The following NELL1 variants were observed in gnomAD, a reference collection of about 807,000 sequenced individuals.
The protein encoded by NELL1 is neural EGFL like 1.
NELL1 carries 76 observed loss-of-function variants against 107.4 expected under a neutral mutation model. The observed-to-expected ratio is 0.71, with a 90% CI of 0.59 to 0.86. NELL1 has a LOEUF of 0.86. Among genes scored for constraint, NELL1 ranks in the 40% least tolerant of loss-of-function variants. The probability of loss-of-function intolerance (pLI) is 0.00; values close to 1 mark genes in which losing one functional copy is unlikely to be tolerated. For synonymous variants in NELL1, 353 were observed against 341.2 expected (o/e 1.03, Z -0.38); for missense variants, 1,024 against 1,005.5 (o/e 1.02, Z -0.25).
chr11:21,174,020 A>G (rs1162109450), intron 13 of NELL1, among the ~76,000 whole-genome samples: 1 of 151,812 alleles, frequency 6.6e-6, no homozygotes, highest in African/African-American at 2.4e-5. Context: ...ACTAAATGCT[A>G]TTGTTCTCCC....
At chr11:21,418,763 C>T (rs1852582436) in intron 15 of NELL1, among the ~76,000 whole-genome samples, 1 of 151,986 alleles carries the variant, frequency 6.6e-6, no homozygotes. Context: ...GCTTTAAAGC[C>T]ATTGCATAGT....
In NELL1 at chr11:20,928,435, C is replaced by G. The variant is rs1190081375; in HGVS notation, c.953C>G (p.Ser318Cys). 3.7e-6 allele frequency: 6 copies of G among 1,613,954 alleles called. No individual in the cohort carries two copies. The highest frequency in any genetic ancestry group is 5.1e-6 in the Non-Finnish European group (6 of 1,179,970). ...CCCCCTCTCAATTGCTCCCCAGACT[C>G]CCTCCCAGTGCACATTGCTGGCCAG... ...SCPPLNCSPD[S>C]LPVHIAGQCC... Residue 318 changes from serine (S) to cysteine (C), a missense_variant, in exon 9 of 20, where the codon TCC (serine) becomes TGC (cysteine). Ser to Cys is a moderately radical substitution (Grantham distance 112, BLOSUM62 -1). Transcript: ENST00000357134.
intron 12 of NELL1, among the ~76,000 whole-genome samples, chr11:20,979,862 G>T (rs923858776): frequency 3.9e-5 from 6 of 152,020 alleles, no homozygotes; most frequent in Non-Finnish European, 7.4e-5. Flanking sequence ...TGTGCTCCAG[G>T]GCACGGTTTT....
At chr11:21,296,440 C>A (rs1443096152) in intron 14 of NELL1, among the ~76,000 whole-genome samples, 10 of 146,032 alleles carry the variant, frequency 6.8e-5, no homozygotes, top group Admixed American at 3.4e-4. Context: ...ATATATATAT[C>A]TCTAATCATC....
chr11:21,411,653 A>G (rs1564881762), intron 15 of NELL1, among the ~76,000 whole-genome samples: 1 of 152,086 alleles, frequency 6.6e-6, no homozygotes, highest in Non-Finnish European at 1.5e-5. Context: ...CTAATGCAGT[A>G]TTTTTCAAAA....
chr11:20,885,236 T>TG (rs1849484322), intron 4 of NELL1, among the ~76,000 whole-genome samples: 1 of 152,156 alleles, frequency 6.6e-6, no homozygotes, highest in South Asian at 2.1e-4. Context: ...CTCCCTCCCC[T>TG]GCCAAAAGGG....
intron 4 of NELL1, among the ~76,000 whole-genome samples, chr11:20,861,740 G>T (rs967316007): frequency 6.6e-6 from 1 of 152,224 alleles, no homozygotes; most frequent in African/African-American, 2.4e-5. Flanking sequence ...CATCAGGTGA[G>T]CACAATGAGA....
At chr11:20,747,341 C>T (rs769082395) in intron 2 of NELL1, among the ~76,000 whole-genome samples, 18 of 152,112 alleles carry the variant, frequency 1.2e-4, no homozygotes, top group Non-Finnish European at 1.9e-4. Flanking sequence ...AGGAACATGT[C>T]TTGGTCAGCA....
At chr11:20,916,499 T>C (rs1460606369) in intron 5 of NELL1, among the ~76,000 whole-genome samples, 1 of 152,008 alleles carries the variant, frequency 6.6e-6, no homozygotes, top group African/African-American at 2.4e-5. Flanking sequence ...CCATGACACA[T>C]GTGCTCCAGG....
At chr11:20,705,478 CTG>C (rs1854922625) in intron 2 of NELL1, among the ~76,000 whole-genome samples, 1 of 151,220 alleles carries the variant, frequency 6.6e-6, no homozygotes, top group South Asian at 2.1e-4. Context: ...AAAGCTGAAA[CTG>C]GATCCCTTCC....
intron 4 of NELL1, among the ~76,000 whole-genome samples, chr11:20,863,178 G>A (rs575791435): frequency 9.3e-5 from 13 of 139,298 alleles, no homozygotes; most frequent in East Asian, 2.0e-4. Flanking sequence ...AGGGGTGGCC[G>A]GGCAGAGGCG....
At chr11:20,739,320 G>A (rs1251596696) in intron 2 of NELL1, among the ~76,000 whole-genome samples, 2 of 152,202 alleles carry the variant, frequency 1.3e-5, no homozygotes, top group East Asian at 3.9e-4. Flanking sequence ...ATGATGAACC[G>A]TCAATGTTAC....
intron 12 of NELL1, among the ~76,000 whole-genome samples, chr11:21,076,155 T>C (rs1025765925): frequency 5.3e-5 from 8 of 152,222 alleles, no homozygotes; most frequent in Non-Finnish European, 7.3e-5. Context: ...GCACAGTTAA[T>C]AGAAAAGGAT....
chr11:20,783,133 C>A (rs1052358541), intron 2 of NELL1, among the ~76,000 whole-genome samples: 2 of 152,192 alleles, frequency 1.3e-5, no homozygotes, highest in Non-Finnish European at 2.9e-5. Flanking sequence ...TAGTAAATAT[C>A]TGCTAGGTAC....
At chr11:20,854,981 T>C (rs72935272) in intron 4 of NELL1, among the ~76,000 whole-genome samples, 10,970 of 152,286 alleles carry the variant, frequency 0.072, 394 homozygotes, top group Middle Eastern at 0.082. Flanking sequence ...AGTGTCTGCT[T>C]AATTGCTAAG....
intron 4 of NELL1, among the ~76,000 whole-genome samples, chr11:20,862,813 A>C (rs1286318836): frequency 1.3e-5 from 2 of 152,054 alleles, no homozygotes; most frequent in African/African-American, 4.8e-5. Context: ...ACTCTCAACG[A>C]GCATGCTGCC....
intron 16 of NELL1, among the ~76,000 whole-genome samples, chr11:21,545,305 C>T (rs928804882): frequency 2.0e-5 from 3 of 151,912 alleles, no homozygotes; most frequent in Non-Finnish European, 4.4e-5. Flanking sequence ...ACCTCAAAGT[C>T]CCAGAAGCCT....
chr11:21,532,589 C>T (rs1310304076), intron 15 of NELL1, among the ~76,000 whole-genome samples: 1 of 152,148 alleles, frequency 6.6e-6, no homozygotes, highest in East Asian at 1.9e-4. Context: ...AAAACGCTAA[C>T]CATGGCTATT....
intron 4 of NELL1, among the ~76,000 whole-genome samples, chr11:20,856,476 A>G (rs1946513): frequency 0.77 from 117,128 of 152,200 alleles, 45,892 homozygotes; most frequent in East Asian, 0.95. Context: ...TGAACTAACA[A>G]GCTTCAAGTT....
Sources: allele counts gnomAD v4.1 joint callset (sites outside exome capture counted in the v4.1 genomes callset), GRCh38; gene constraint gnomAD v4.1.1; transcripts MANE v1.5; gene names NCBI Gene and HGNC (gene_info 2026-07-23, HGNC 2026-07-21).